TTLL8: variants seen among roughly 807,000 people sequenced by gnomAD.
TTLL8 encodes the protein tubulin tyrosine ligase like 8.
In TTLL8, 65 loss-of-function variants were observed where a neutral mutation model predicts 77.8. The ratio of observed to expected loss-of-function variants is 0.84; its 90% confidence interval spans 0.68 to 1.03. TTLL8 has a LOEUF of 1.03. Ranked by LOEUF, TTLL8 falls within the 50% of genes least tolerant of loss-of-function variation. TTLL8 has a pLI of 0.00. For missense variants in TTLL8, 910 were observed against 1,004.5 expected (o/e 0.91, Z 1.27); for synonymous variants, 402 against 422.8 (o/e 0.95, Z 0.60).
chr22:50,049,854 C>T (rs1453649168), intron 2 of TTLL8, among the ~76,000 whole-genome samples: 1 of 152,046 alleles, frequency 6.6e-6, no homozygotes, highest in Non-Finnish European at 1.5e-5. Context: ...CAGAAACCGC[C>T]CGGGCAGGAG....
intron 2 of TTLL8, 126 bp from the exon 5 acceptor site, chr22:50,049,448 C>T: frequency 9.6e-7 from 1 of 1,045,480 alleles, no homozygotes; most frequent in Non-Finnish European, 1.3e-6. Context: ...CAGATGGGGC[C>T]TTCCCCTGGT....
intron 10 of TTLL8, among the ~76,000 whole-genome samples, chr22:50,032,822 A>G (rs2061307162): frequency 1.3e-5 from 2 of 151,856 alleles, no homozygotes; most frequent in East Asian, 3.9e-4. Flanking sequence ...GGGTCCATCC[A>G]CCCTGGGCAG....
upstream of TTLL8, among the ~76,000 whole-genome samples, chr22:50,055,960 G>A (rs980173547): frequency 6.6e-6 from 1 of 152,164 alleles, no homozygotes; most frequent in African/African-American, 2.4e-5. Context: ...ACAAGACACA[G>A]GTCATAAAGA....
rs1343192478 is a variant in TTLL8, at chr22:50,034,201, C to G, written c.1039+144G>C. Reference sequence around the variant, plus strand: ...CCAGCTCTGCTCCAGCGCCTGAGTCCTGACCCCCACGCCTGCCTCGGCGTT... The same window carrying G: ...CCAGCTCTGCTCCAGCGCCTGAGTCGTGACCCCCACGCCTGCCTCGGCGTT... On this transcript the variant is annotated intron_variant, in intron 9 of 13. Coordinates refer to ENST00000266182, the Ensembl canonical transcript of TTLL8. The surrounding 1 kb of genome is among the most constrained non-coding windows in gnomAD (Gnocchi z 4.1). 1 of 1,084,604 alleles carries G rather than the reference C, an allele frequency of 9.2e-7. No individual in the cohort carries two copies. Among genetic ancestry groups the G allele is most frequent in the African/African-American group, 1.7e-5 (1 of 60,482 alleles). The allele number at this position is 1,084,604 out of a possible 1,614,324, so 67.2% of individuals were successfully genotyped here. A position where few individuals can be genotyped will look rare whatever the true frequency, so the allele number is the denominator to read the frequency against.
Position 50,044,895 on chromosome 22 carries a change from G to A in TTLL8, c.643+360C>T, listed in dbSNP as rs781460944. Among the ~76,000 whole-genome samples the A allele has an allele frequency of 6.6e-6, 1 of 152,128 alleles. No individual in the cohort carries two copies. The highest frequency in any genetic ancestry group is 1.5e-5 in the Non-Finnish European group (1 of 68,010). On this transcript the variant is annotated intron_variant, in intron 6 of 13. Coordinates refer to ENST00000266182, the Ensembl canonical transcript of TTLL8. This position sits in a 1 kb window ranked among gnomAD's most constrained non-coding sequence, Gnocchi z 4.2. ...CTGGGCTTCCTGTGTCCTCTCCCAC[G>A]GGGCCCCTTTGGGGAGACTCAGGCT... is the stretch of plus-strand genomic sequence containing the variant.
chr22:50,030,909 G>T, exon 12 of TTLL8: 1 of 1,321,360 alleles, frequency 7.6e-7, no homozygotes, highest in Non-Finnish European at 9.9e-7. Context: ...GCTGAATGGG[G>T]GCGGCTCAAC....
At chr22:50,019,400 G>C (rs746031877) in intron 12 of TTLL8, among the ~76,000 whole-genome samples, 1 of 152,216 alleles carries the variant, frequency 6.6e-6, no homozygotes, top group Admixed American at 6.5e-5. Context: ...AGGCAATCAC[G>C]CATGTGTGCT....
intron 2 of TTLL8, among the ~76,000 whole-genome samples, chr22:50,049,770 G>A (rs899489627): frequency 1.3e-5 from 2 of 152,174 alleles, no homozygotes; most frequent in Non-Finnish European, 2.9e-5. Context: ...CCAGCACCAC[G>A]GGGGCCTGAG....
At position 50,041,786 on chromosome 22, in the gene TTLL8, T is replaced by G. The variant is rs368103999; in HGVS notation, c.665A>C (p.Lys222Thr). The change falls in exon 7 of 14, where the codon AAG (lysine) becomes ACG (threonine). Residue 222 changes from lysine to threonine, a missense_variant. Physicochemically the swap from Lys to Thr is moderately conservative, Grantham distance 78. Coordinates refer to ENST00000266182, the Ensembl canonical transcript of TTLL8. This position sits in a 1 kb window ranked among gnomAD's most constrained non-coding sequence, Gnocchi z 4.3. The stretch of plus-strand genomic sequence containing the variant: ...AAGCTGCCCCGGGAGGCCCCTGAGC[T>G]TTGCCTCAGCATTTTCAGCATCTGA... The G allele has an allele frequency of 5.9e-6, 8 of 1,362,700 alleles. No individual in the cohort carries two copies. The highest frequency in any genetic ancestry group is 1.5e-5 in the African/African-American group (1 of 67,616). The allele number at this position is 1,362,700 out of a possible 1,614,324, so 84.4% of individuals were successfully genotyped here.
At chr22:50,052,338 G>A (rs2061448491) in intron 1 of TTLL8, among the ~76,000 whole-genome samples, 1 of 152,070 alleles carries the variant, frequency 6.6e-6, no homozygotes, top group Non-Finnish European at 1.5e-5. Flanking sequence ...AAAAATGGAT[G>A]GGCAGAATAC....
intron 12 of TTLL8, among the ~76,000 whole-genome samples, chr22:50,020,218 ATCCTCCATCTGACATGTAC>A (rs1569217107): frequency 2.5e-4 from 38 of 151,252 alleles, no homozygotes; most frequent in African/African-American, 8.0e-4. Context: ...ATGACTCACA[ATCCTCCATCTGACATGTAC>A]TCCTCCATCT....
intron 1 of TTLL8, among the ~76,000 whole-genome samples, chr22:50,052,163 C>T (rs2061447489): frequency 6.6e-6 from 1 of 152,142 alleles, no homozygotes; most frequent in South Asian, 2.1e-4. Context: ...AGGCCTGTCA[C>T]CCGCCCACGT....
At chr22:50,046,828 T>TG (rs1265823178) in intron 4 of TTLL8, among the ~76,000 whole-genome samples, 1 of 152,132 alleles carries the variant, frequency 6.6e-6, no homozygotes, top group East Asian at 1.9e-4. Flanking sequence ...TGCCCGGTGC[T>TG]GGGGGGAGCG....
chr22:50,029,556 C>T (rs137898), intron 12 of TTLL8, among the ~76,000 whole-genome samples: 46,755 of 146,916 alleles, frequency 0.32, 7,644 homozygotes, highest in East Asian at 0.42. Flanking sequence ...CTGACTAACA[C>T]GGTGAAACCC....
chr22:50,033,159 C>A, intron 10 of TTLL8, 43 bp downstream of exon 11: 2 of 1,300,028 alleles, frequency 1.5e-6, no homozygotes, highest in South Asian at 2.5e-5. Flanking sequence ...AGGCAGCAGC[C>A]CATTCCCTGG....
At chr22:50,030,463 C>G (rs2146643629) in exon 12 of TTLL8, 1 of 1,343,110 alleles carries the variant, frequency 7.4e-7, no homozygotes, top group East Asian at 4.9e-5. Flanking sequence ...AGCGCGCCCT[C>G]TGCTGTCTTC....
At chr22:50,056,239 C>T (rs994332910), upstream of TTLL8, among the ~76,000 whole-genome samples, 7 of 152,172 alleles carry the variant, frequency 4.6e-5, no homozygotes, top group African/African-American at 1.4e-4. The surrounding 1 kb of genome is among the most constrained non-coding windows in gnomAD (Gnocchi z 4.1). Flanking sequence ...GCGATTTAAC[C>T]GCGGCCTGCA....
At chr22:50,026,293 A>ACAGCCGCCACCCTGCT (rs1232805607) in intron 12 of TTLL8, among the ~76,000 whole-genome samples, 1 of 152,090 alleles carries the variant, frequency 6.6e-6, no homozygotes, top group Non-Finnish European at 1.5e-5. Context: ...GCCACCCTGC[A>ACAGCCGCCACCCTGCT]CAGCCGCCAC....
intron 12 of TTLL8, chr22:50,027,588 T>C (rs940784158): frequency 5.2e-6 from 5 of 968,534 alleles, no homozygotes; most frequent in African/African-American, 1.8e-5. Flanking sequence ...AGATTCAAGG[T>C]GATCCCAGTC....
Sources: gnomAD v4.1 joint callset for allele counts (sites outside exome capture counted in the v4.1 genomes callset) on GRCh38, gnomAD v4.1.1 for gene constraint, Gnocchi (gnomAD v3.1) non-coding constraint, MANE v1.5 for transcripts, NCBI Gene and HGNC (gene_info 2026-07-23, HGNC 2026-07-21) for gene names.